Variants in NLRP8 observed in about 807,000 individuals in gnomAD.
The protein encoded by NLRP8 is NACHT, LRR and PYD domains-containing protein 8.
In NLRP8, 86 loss-of-function variants were observed where a neutral mutation model predicts 88.7. The observed-to-expected ratio is 0.97, with a 90% CI of 0.81 to 1.16. NLRP8 has a LOEUF of 1.16. Among genes scored for constraint, NLRP8 ranks in the 50% most tolerant of loss-of-function variants. The probability of loss-of-function intolerance (pLI) is 0.00; values close to 1 mark genes in which losing one functional copy is unlikely to be tolerated. For synonymous variants in NLRP8, 504 were observed against 494.6 expected (o/e 1.02, Z -0.25); for missense variants, 1,342 against 1,286.5 (o/e 1.04, Z -0.66).
intron 5 of NLRP8, among the ~76,000 whole-genome samples, chr19:55,967,940 T>G (rs777145331): frequency 2.6e-5 from 4 of 152,232 alleles, no homozygotes; most frequent in Non-Finnish European, 5.9e-5. Flanking sequence ...ACAAGCCAGG[T>G]AAGAAACACT....
Position 55,988,070 on chromosome 19 carries a change from T to A in NLRP8, c.*157T>A, listed in dbSNP as rs953552237. On this transcript the variant is annotated 3_prime_UTR_variant, in exon 10 of 10. Coordinates refer to ENST00000291971, the MANE Select transcript of NLRP8 (RefSeq NM_176811.2). ...AGAACCTCAGCTTTGAACCCTGGAG[T>A]GAGGACGGTGATGCCCTGTGTGTAT... 4.1e-5 allele frequency: 25 copies of A among 612,048 alleles called. No individual in the cohort carries two copies. Among genetic ancestry groups the A allele is most frequent in the Middle Eastern group, 4.0e-4 (1 of 2,528 alleles). The allele number at this position is 612,048 out of a possible 1,614,324, so 37.9% of individuals were successfully genotyped here.
rs1203610946 is a variant in NLRP8 at position 55,973,593 on chromosome 19, C to T, written c.2535-59C>T. 6.1e-6 allele frequency: 9 copies of T among 1,464,592 alleles called. No individual in the cohort carries two copies. The South Asian group carries it at 1.3e-4, about 21-fold the overall frequency. The allele number at this position is 1,464,592 out of a possible 1,614,324, so 90.7% of individuals were successfully genotyped here. A position where few individuals can be genotyped will look rare whatever the true frequency, so the allele number is the denominator to read the frequency against. On this transcript the variant is annotated intron_variant, in intron 6 of 9. Transcript: ENST00000291971. ...GAGAGCCCTGACTGAGAAGATCACC[C>T]TTCTGTGTGAGACAAAGACCCCTCT...
intron 9 of NLRP8, among the ~76,000 whole-genome samples, chr19:55,985,487 C>T (rs2123235489): frequency 6.6e-6 from 1 of 152,070 alleles, no homozygotes; most frequent in Admixed American, 6.5e-5. Flanking sequence ...TTACAAAAGA[C>T]TAGGGAAAGG....
At chr19:55,964,101 A>G (rs987250213) in intron 4 of NLRP8, among the ~76,000 whole-genome samples, 7 of 152,224 alleles carry the variant, frequency 4.6e-5, no homozygotes, top group African/African-American at 1.4e-4. Context: ...CAAAAACCCG[A>G]TAATTCACCA....
rs926872741 is a variant in NLRP8, at chr19:55,974,604, C to T, written c.2705+782C>T. Among the ~76,000 whole-genome samples the T allele has an allele frequency of 1.7e-4, 26 of 151,804 alleles. 1 individual carries two copies. Among genetic ancestry groups the T allele is most frequent in the Non-Finnish European group, 1.6e-4 (11 of 67,858 alleles). ...ACAAAAAATTAGCCGGGCACAGTGG[C>T]GGGCGCCTGTAGTCCCAGCTACTCA... On this transcript the variant is annotated intron_variant, in intron 7 of 9. Coordinates refer to ENST00000291971, the MANE Select transcript of NLRP8 (RefSeq NM_176811.2).
intron 4 of NLRP8, among the ~76,000 whole-genome samples, chr19:55,964,835 A>C (rs1289180288): frequency 6.6e-6 from 1 of 152,150 alleles, no homozygotes; most frequent in Non-Finnish European, 1.5e-5. Context: ...GTCCAAACTC[A>C]TCAAATTGTA....
chr19:55,947,975 C>G lies in NLRP8; in HGVS notation c.73C>G (p.Pro25Ala). The change falls in exon 1 of 10, where the codon CCG (proline) becomes GCG (alanine). Residue 25 changes from proline (P) to alanine (A), a missense_variant. Physicochemically the swap from Pro to Ala is conservative, Grantham distance 27. Coordinates refer to ENST00000291971, the MANE Select transcript of NLRP8 (RefSeq NM_176811.2). ...CTCCTCCACTCACAGTTCTCATATT[C>G]CGCCCTGGACATTCTCTTGCTACCC... is the stretch of plus-strand genomic sequence containing the variant. The G allele has an allele frequency of 6.2e-7, 1 of 1,614,148 alleles. No homozygotes were observed. Among genetic ancestry groups the G allele is most frequent in the African/African-American group, 1.3e-5 (1 of 75,040 alleles).
chr19:55,978,826 A>G (rs1980455662), intron 8 of NLRP8, among the ~76,000 whole-genome samples: 1 of 152,116 alleles, frequency 6.6e-6, no homozygotes, highest in African/African-American at 2.4e-5. Flanking sequence ...GGAGGCTACT[A>G]GGTAGTAGGA....
At position 55,955,591 on chromosome 19, in the gene NLRP8, G is replaced by A; in HGVS notation, c.1533G>A (p.Gln511=). Residue 511 remains glutamine (Q), a synonymous_variant, in exon 3 of 10, where the codon CAG becomes CAA. Transcript: ENST00000291971. ...ATGTCTTTACCCTCGTGACTTTTCA[G>A]GAATTTTTTGCGGCCTTGTTTTATG... 5.0e-6 allele frequency: 8 copies of A among 1,614,010 alleles called. No homozygotes were observed. The highest frequency in any genetic ancestry group is 6.8e-6 in the Non-Finnish European group (8 of 1,179,892).
intron 1 of NLRP8, 54 bp downstream of exon 1, chr19:55,948,323 A>G: frequency 1.3e-6 from 2 of 1,558,518 alleles, no homozygotes; most frequent in Non-Finnish European, 1.7e-6. Flanking sequence ...CTGGGCAGCT[A>G]AACTACTCTA....
At chr19:55,954,410 A>G in intron 2 of NLRP8, 91 bp from the exon 3 acceptor site, 2 of 1,282,156 alleles carry the variant, frequency 1.6e-6, no homozygotes, top group Non-Finnish European at 2.2e-6. Context: ...GGCTTCACGT[A>G]GACATCGAGA....
At chr19:55,977,536 AAT>A (rs554700945) in intron 8 of NLRP8, among the ~76,000 whole-genome samples, 1 of 145,848 alleles carries the variant, frequency 6.9e-6, no homozygotes, top group East Asian at 2.0e-4. Context: ...ATAATATTAA[AAT>A]ATATATTAAT....
chr19:55,964,490 G>A lies in NLRP8; in HGVS notation c.2214-1723G>A, dbSNP rs182589956. Among the ~76,000 whole-genome samples the A allele has an allele frequency of 2.1e-3, 322 of 152,276 alleles. 2 individuals are homozygous for A. Among genetic ancestry groups the A allele is most frequent in the Non-Finnish European group, 3.8e-3 (256 of 68,012 alleles). Reference sequence around the variant, plus strand: ...TAGCCGGTCGGGCGTGGTGGCTCACGCCGGTAATCCCAGCGCTTTGGGAAG... The same window carrying A: ...TAGCCGGTCGGGCGTGGTGGCTCACACCGGTAATCCCAGCGCTTTGGGAAG... On this transcript the variant is annotated intron_variant, in intron 4 of 9. Coordinates refer to ENST00000291971, the MANE Select transcript of NLRP8 (RefSeq NM_176811.2).
In NLRP8 at chr19:55,955,419, T is replaced by C. The variant is rs368291132; in HGVS notation, c.1361T>C (p.Leu454Pro). 5.0e-5 allele frequency: 81 copies of C among 1,614,110 alleles called. 1 individual carries two copies. Among genetic ancestry groups the C allele is most frequent in the Non-Finnish European group, 6.4e-5 (76 of 1,180,044 alleles). Residue 454 changes from leucine to proline, a missense_variant, in exon 3 of 10, where the codon CTG becomes CCG. Coordinates refer to ENST00000291971, the MANE Select transcript of NLRP8 (RefSeq NM_176811.2). ...ATCCACCAAGCACAACTGGAAGGTC[T>C]GTGTCACTTGGCCGCAGACAGCATG...
chr19:55,986,483 C>CACACACACAT (rs770089079), intron 9 of NLRP8, among the ~76,000 whole-genome samples: 30,996 of 149,270 alleles, frequency 0.21, 3,495 homozygotes, highest in Non-Finnish European at 0.26. Context: ...TACACACACA[C>CACACACACAT]ACACACACAC....
chr19:55,968,121 T>C (rs78813282), intron 5 of NLRP8, among the ~76,000 whole-genome samples: 8 of 152,182 alleles, frequency 5.3e-5, no homozygotes, highest in Non-Finnish European at 5.9e-5. Flanking sequence ...AATATTCGTT[T>C]AATAATTTTT....
intron 1 of NLRP8, among the ~76,000 whole-genome samples, 172 bp downstream of exon 1, chr19:55,948,441 T>A (rs1407196464): frequency 6.6e-6 from 1 of 152,096 alleles, no homozygotes; most frequent in Non-Finnish European, 1.5e-5. Context: ...ATTTTTTTAA[T>A]TTTATTTTTC....
rs571569705 is a variant in NLRP8, at chr19:55,948,379, C to T, written c.367+110C>T. ...TTGGCCTTCTGAGCAAGAAAGCAAA[C>T]AGTGGAGGAAGATAATGGATCTAAC... On this transcript the variant is annotated intron_variant, in intron 1 of 9. Coordinates refer to ENST00000291971, the MANE Select transcript of NLRP8 (RefSeq NM_176811.2). The T allele has an allele frequency of 6.4e-5, 74 of 1,154,890 alleles. No individual in the cohort carries two copies. The Admixed American group carries it at 1.6e-3, about 24-fold the overall frequency. 71.5% of individuals were successfully genotyped at this position (1,154,890 alleles called of 1,614,324 possible). A position where few individuals can be genotyped will look rare whatever the true frequency, so the allele number is the denominator to read the frequency against.
At chr19:55,959,334 C>A (rs574886069) in intron 3 of NLRP8, among the ~76,000 whole-genome samples, 6 of 151,880 alleles carry the variant, frequency 4.0e-5, no homozygotes, top group Non-Finnish European at 7.4e-5. Flanking sequence ...GCCTCAGCCT[C>A]CCCAGTAGCT....
Sources: allele counts gnomAD v4.1 joint callset (sites outside exome capture counted in the v4.1 genomes callset), GRCh38; gene constraint gnomAD v4.1.1; transcripts MANE v1.5; gene names NCBI Gene and HGNC (gene_info 2026-07-23, HGNC 2026-07-21).